Variants in MPHOSPH6 observed in about 807,000 individuals in gnomAD.
MPHOSPH6 encodes the protein M-phase phosphoprotein 6.
A neutral mutation model predicts 21.8 loss-of-function variants in MPHOSPH6; 25 were observed. That is an observed-to-expected ratio of 1.15 (90% CI 0.83 to 1.60). MPHOSPH6 has a LOEUF of 1.60. Among genes scored for constraint, MPHOSPH6 ranks in the 40% most tolerant of loss-of-function variants. The probability of loss-of-function intolerance (pLI) is 0.00; values close to 1 mark genes in which losing one functional copy is unlikely to be tolerated. For missense variants in MPHOSPH6, 269 were observed against 181.8 expected, an observed-to-expected ratio of 1.48 and a Z score of -2.76; for synonymous variants, 84 against 56.5, an observed-to-expected ratio of 1.49 and a Z score of -2.18.
At chr16:82,149,836 G>A (rs996716920) in intron 3 of MPHOSPH6, among the ~76,000 whole-genome samples, 2 of 152,014 alleles carry the variant, frequency 1.3e-5, no homozygotes, top group African/African-American at 4.8e-5. Flanking sequence ...TGGTGGTGGT[G>A]AGTGGAGGAG....
intron 4 of MPHOSPH6, 108 bp downstream of exon 4, chr16:82,149,201 G>A: frequency 8.7e-7 from 1 of 1,147,484 alleles, no homozygotes; most frequent in Non-Finnish European, 1.3e-6. Flanking sequence ...TCGTCCTACT[G>A]GGGGACTCCC....
At chr16:82,160,809 C>CTTGGAAT (rs1267892928) in intron 2 of MPHOSPH6, among the ~76,000 whole-genome samples, 34 of 152,114 alleles carry the variant, frequency 2.2e-4, no homozygotes, top group Admixed American at 2.0e-3. Context: ...AGACACTACT[C>CTTGGAAT]CCAAAATATG....
chr16:82,159,355 T>C (rs1431789015), intron 2 of MPHOSPH6, among the ~76,000 whole-genome samples: 1 of 152,230 alleles, frequency 6.6e-6, no homozygotes, highest in Non-Finnish European at 1.5e-5. Context: ...ATTTCTTACA[T>C]AGTAAATATT....
chr16:82,163,469 G>T (rs866239719), intron 2 of MPHOSPH6, among the ~76,000 whole-genome samples: 1 of 152,206 alleles, frequency 6.6e-6, no homozygotes, highest in Non-Finnish European at 1.5e-5. Context: ...CTGACTAGCT[G>T]GGTGAAGCTG....
chr16:82,169,007 G>T (rs931945313), intron 1 of MPHOSPH6, among the ~76,000 whole-genome samples: 1 of 152,154 alleles, frequency 6.6e-6, no homozygotes, highest in Admixed American at 6.5e-5. Context: ...TGTTTCAGTT[G>T]CCTTAGCTGT....
At chr16:82,168,728 T>C (rs1339221488) in intron 1 of MPHOSPH6, among the ~76,000 whole-genome samples, 3 of 152,216 alleles carry the variant, frequency 2.0e-5, no homozygotes, top group Admixed American at 6.5e-5. Context: ...TACCTCAGCC[T>C]CTCAAAGTGC....
chr16:82,149,196 C>T (rs375112856), intron 4 of MPHOSPH6, 113 bp downstream of exon 4: 7 of 1,115,436 alleles, frequency 6.3e-6, no homozygotes, highest in Non-Finnish European at 9.4e-6. Flanking sequence ...AGTCATCGTC[C>T]TACTGGGGGA....
rs1039766891 is a variant in MPHOSPH6 at position 82,149,307 on chromosome 16, A to C, written c.350+2T>G. The C allele has an allele frequency of 1.4e-5, 23 of 1,612,832 alleles. No homozygotes were observed. Among genetic ancestry groups the C allele is most frequent in the Non-Finnish European group, 1.8e-5 (21 of 1,179,844 alleles). Reference sequence around the variant, plus strand: ...TAGAAGGCTGCTGCGCAGCACGGTTACCTTCTAGCCATCTCTTCATCTGAC... The same window carrying C: ...TAGAAGGCTGCTGCGCAGCACGGTTCCCTTCTAGCCATCTCTTCATCTGAC... On this transcript the variant is annotated splice_donor_variant, in intron 4 of 4. Coordinates refer to ENST00000258169, the MANE Select transcript of MPHOSPH6 (RefSeq NM_005792.2). LOFTEE classifies it high-confidence loss of function.
At chr16:82,162,942 G>C (rs978950817) in intron 2 of MPHOSPH6, among the ~76,000 whole-genome samples, 1 of 144,754 alleles carries the variant, frequency 6.9e-6, no homozygotes, top group Admixed American at 7.0e-5. Flanking sequence ...GTTTACTTAA[G>C]GCATAAAAGT....
At chr16:82,163,206 T>C (rs867707666) in intron 2 of MPHOSPH6, among the ~76,000 whole-genome samples, 1 of 152,130 alleles carries the variant, frequency 6.6e-6, no homozygotes, top group African/African-American at 2.4e-5. Context: ...AGGTACAGAA[T>C]GGAAACACAT....
At chr16:82,148,970 GA>G (rs1463192512) in intron 4 of MPHOSPH6, 107 bp from the exon 5 acceptor site, 8 of 1,346,328 alleles carry the variant, frequency 5.9e-6, no homozygotes, top group Non-Finnish European at 8.1e-6. Context: ...TTACGAAAAA[GA>G]AAACTATCAT....
At chr16:82,156,770 A>G (rs1053932153) in intron 2 of MPHOSPH6, among the ~76,000 whole-genome samples, 3 of 152,212 alleles carry the variant, frequency 2.0e-5, no homozygotes, top group Non-Finnish European at 4.4e-5. Flanking sequence ...CTTTATCCAT[A>G]AGCGTAAAAA....
At chr16:82,158,498 CAAAAAAAAAAAAAAA>C (rs3037959) in intron 2 of MPHOSPH6, among the ~76,000 whole-genome samples, 1 of 81,504 alleles carries the variant, frequency 1.2e-5, no homozygotes, top group Non-Finnish European at 2.3e-5. Context: ...GACTCCGTCT[CAAAAAAAAAAAAAAA>C]AAAAAAAAAA....
chr16:82,156,958 C>T lies in MPHOSPH6; in HGVS notation c.165-5444G>A, dbSNP rs1044387724. 2.6e-5 allele frequency among the ~76,000 whole-genome samples: 4 copies of T among 152,274 alleles called. No individual in the cohort carries two copies. The East Asian group carries it at 5.8e-4, about 22-fold the overall frequency. ...ATCCCAGCTACTCCGGAGGCTGAGGCAGGAGAACCGCTTGAACCTGGGAAG... is the reference window on the plus strand; with the variant it reads ...ATCCCAGCTACTCCGGAGGCTGAGGTAGGAGAACCGCTTGAACCTGGGAAG... On this transcript the variant is annotated intron_variant, in intron 2 of 4. Coordinates refer to ENST00000258169, the MANE Select transcript of MPHOSPH6 (RefSeq NM_005792.2).
At position 82,170,123 on chromosome 16, in the gene MPHOSPH6, A is replaced by C; in HGVS notation, c.51+2T>G. 6.3e-7 allele frequency: 1 copy of C among 1,590,198 alleles called. No individual in the cohort carries two copies. Among genetic ancestry groups the C allele is most frequent in the Non-Finnish European group, 8.6e-7 (1 of 1,168,588 alleles). ...GGAGTGGCGCTCTCAGCGTCCCCGC[A>C]CCTTCATGCGCAGTAGATTCTTGGA... On this transcript the variant is annotated splice_donor_variant, in intron 1 of 4. Coordinates refer to ENST00000258169, the MANE Select transcript of MPHOSPH6 (RefSeq NM_005792.2). LOFTEE classifies it high-confidence loss of function.
chr16:82,150,963 T>C (rs1567611439), intron 3 of MPHOSPH6: 1 of 154,022 alleles, frequency 6.5e-6, no homozygotes, highest in Non-Finnish European at 1.4e-5. Flanking sequence ...ATAAGGCAAA[T>C]ATTCATTTTT....
intron 2 of MPHOSPH6, among the ~76,000 whole-genome samples, chr16:82,158,433 A>G (rs1597162244): frequency 7.7e-6 from 1 of 129,698 alleles, no homozygotes; most frequent in African/African-American, 2.8e-5. Flanking sequence ...CGGGAGGTGG[A>G]GTTTGCAGTG....
chr16:82,155,215 A>T (rs1049997363), intron 2 of MPHOSPH6, among the ~76,000 whole-genome samples: 15 of 152,262 alleles, frequency 9.9e-5, no homozygotes, highest in Non-Finnish European at 1.5e-5. Context: ...GGCATTGACG[A>T]AAACAGCACT....
intron 1 of MPHOSPH6, among the ~76,000 whole-genome samples, chr16:82,169,795 A>T (rs1334749877): frequency 6.6e-6 from 1 of 152,202 alleles, no homozygotes; most frequent in Non-Finnish European, 1.5e-5. Context: ...TTGCATATAT[A>T]AGTAAGCAAC....
Sources: gnomAD v4.1 joint callset for allele counts (sites outside exome capture counted in the v4.1 genomes callset) on GRCh38, gnomAD v4.1.1 for gene constraint, MANE v1.5 for transcripts, NCBI Gene and HGNC (gene_info 2026-07-23, HGNC 2026-07-21) for gene names.